The following GTPBP4 variants were observed in gnomAD, a reference collection of about 807,000 sequenced individuals.
The protein encoded by GTPBP4 is GTP-binding protein 4.
In GTPBP4, 15 loss-of-function variants were observed where a neutral mutation model predicts 81.7. The observed-to-expected ratio is 0.18, with a 90% CI of 0.12 to 0.28. The LOEUF is 0.28. GTPBP4 is among the 10% of genes least tolerant of loss of function. GTPBP4 has a pLI of 1.00. For missense variants in GTPBP4, 847 were observed against 793.8 expected, an observed-to-expected ratio of 1.07 and a Z score of -0.81; for synonymous variants, 272 against 274.6, an observed-to-expected ratio of 0.99 and a Z score of 0.09.
chr10:1,002,180 C>T (rs1024751439), intron 8 of GTPBP4, among the ~76,000 whole-genome samples: 13 of 152,140 alleles, frequency 8.5e-5, no homozygotes, highest in Admixed American at 5.2e-4. Flanking sequence ...ACCTTGGCCT[C>T]CCAGAGTGTT....
chr10:994,349 A>T (rs1222083282), intron 2 of GTPBP4, among the ~76,000 whole-genome samples: 1 of 151,628 alleles, frequency 6.6e-6, no homozygotes, highest in African/African-American at 2.4e-5. Context: ...GCTCACTGTA[A>T]CCTCTTCCTC....
chr10:1,003,972 G>A (rs1831682126), intron 8 of GTPBP4, among the ~76,000 whole-genome samples: 1 of 152,108 alleles, frequency 6.6e-6, no homozygotes, highest in African/African-American at 2.4e-5. Flanking sequence ...TCTCTGTGGT[G>A]GATCTCTGAT....
At chr10:1,012,786 T>C in intron 14 of GTPBP4, 124 bp downstream of exon 14, 5 of 657,146 alleles carry the variant, frequency 7.6e-6, no homozygotes, top group Non-Finnish European at 1.1e-5. Flanking sequence ...TCTTGTTTTA[T>C]TGGTGTATGG....
chr10:1,016,925 G>C, intron 16 of GTPBP4, 150 bp from the exon 17 acceptor site: 1 of 604,096 alleles, frequency 1.7e-6, no homozygotes, highest in Non-Finnish European at 2.9e-6. Flanking sequence ...AGGGATAACT[G>C]TGCTGGGCTT....
Position 1,010,617 on chromosome 10 carries a change from C to T in GTPBP4, c.1344+97C>T, listed in dbSNP as rs921497952. ...TGGCTTCGGCTCAGCTGGGCCTGTC[C>T]GCTTCATTCTGCACCCCTCCATCCT... On this transcript the variant is annotated intron_variant, in intron 13 of 16. Transcript: ENST00000360803. 8.8e-5 allele frequency: 67 copies of T among 763,626 alleles called. 2 individuals are homozygous for T. Among genetic ancestry groups the T allele is most frequent in the Middle Eastern group, 4.5e-4 (2 of 4,408 alleles). The allele number at this position is 763,626 out of a possible 1,614,324, so 47.3% of individuals were successfully genotyped here. A position where few individuals can be genotyped will look rare whatever the true frequency, so the allele number is the denominator to read the frequency against.
chr10:1,001,599 C>T (rs1049751527), intron 8 of GTPBP4, among the ~76,000 whole-genome samples: 1 of 151,890 alleles, frequency 6.6e-6, no homozygotes, highest in African/African-American at 2.4e-5. Flanking sequence ...CCAGCAATGT[C>T]AGCATCACCT....
chr10:1,000,087 C>T (rs1039582886), intron 6 of GTPBP4, among the ~76,000 whole-genome samples: 5 of 152,068 alleles, frequency 3.3e-5, no homozygotes, highest in Admixed American at 6.6e-5. Flanking sequence ...TTTATGATGT[C>T]GCTGGTAAAA....
At chr10:999,284 A>G (rs1831584101) in intron 6 of GTPBP4, among the ~76,000 whole-genome samples, 189 bp downstream of exon 6, 1 of 151,926 alleles carries the variant, frequency 6.6e-6, no homozygotes, top group African/African-American at 2.4e-5. Context: ...ACGACCGGCC[A>G]ATTTTTGTGT....
chr10:1,015,822 C>A lies in GTPBP4; in HGVS notation c.1678C>A (p.Pro560Thr), dbSNP rs529285024. 5.0e-6 allele frequency: 8 copies of A among 1,613,718 alleles called. 1 individual carries two copies. In the Admixed American group the frequency reaches 1.2e-4, roughly 24 times the overall value. Residue 560 changes from proline to threonine, a missense_variant, in exon 16 of 17, where the codon CCC (proline) becomes ACC (threonine). Transcript: ENST00000360803. Reference protein sequence around the residue: ...TRKRKREDSAPPSSVARSGSC... With the variant: ...TRKRKREDSATPSSVARSGSC... ...GAAAAGAAAGCGGGAAGACTCTGCT[C>A]CCCCGTCCTCTGTGGCCCGGAGTGG...
At chr10:1,008,311 G>A (rs11253566) in intron 10 of GTPBP4, 83,341 of 368,302 alleles carry the variant, frequency 0.23, 10,787 homozygotes, top group Non-Finnish European at 0.28. Flanking sequence ...AGGCTGAGGC[G>A]GGAGAATCGT....
At chr10:1,008,840 T>C in intron 10 of GTPBP4, 118 bp from the exon 11 acceptor site, 1 of 787,234 alleles carries the variant, frequency 1.3e-6, no homozygotes, top group Non-Finnish European at 2.3e-6. Context: ...TGTTCATTGG[T>C]CTGGGTATGG....
Position 988,513 on chromosome 10 carries a change from G to C in GTPBP4, c.34G>C (p.Val12Leu). The C allele has an allele frequency of 1.2e-6, 2 of 1,612,912 alleles. No individual in the cohort carries two copies. The highest frequency in any genetic ancestry group is 1.1e-5 in the South Asian group (1 of 91,028). Residue 12 changes from valine (V) to leucine (L), a missense_variant, in exon 1 of 17, where the codon GTG becomes CTG. By Grantham distance (32) the Val-to-Leu change is conservative. Around this residue, in one of 3 missense-constraint regions of GTPBP4, gnomAD observed 241 missense variants for 216.3 expected, o/e 1.11. Transcript: ENST00000360803. ...TTACAACTTCAAGAAAATTACGGTGGTGCCGTCCGCCAAGGTAGGCGGCCC... is the reference window on the plus strand; with the variant it reads ...TTACAACTTCAAGAAAATTACGGTGCTGCCGTCCGCCAAGGTAGGCGGCCC... ...AHYNFKKITV[V>L]PSAKDFIDLT...
At chr10:1,009,464 G>A in intron 11 of GTPBP4, 65 bp from the exon 12 acceptor site, 4 of 1,022,428 alleles carry the variant, frequency 3.9e-6, no homozygotes, top group Non-Finnish European at 6.3e-6. Context: ...AAGTGACAAG[G>A]GGCAGAGCAT....
Position 997,263 on chromosome 10 carries a change from T to G in GTPBP4, c.516T>G (p.Leu172=). The stretch of plus-strand genomic sequence containing the variant: ...TTGATCCGAATACCAGGACCCTGCT[T>G]TTGTGTGGGTACCCAAATGTTGGGA... The part of the protein sequence containing the change: ...PTIDPNTRTL[L]LCGYPNVGKS... The change falls in exon 5 of 17, where the codon CTT becomes CTG. Residue 172 remains leucine (L), a synonymous_variant. Coordinates refer to ENST00000360803, the MANE Select transcript of GTPBP4 (RefSeq NM_012341.3). 1.2e-6 allele frequency: 2 copies of G among 1,609,892 alleles called. No homozygotes were observed. The highest frequency in any genetic ancestry group is 1.3e-5 in the African/African-American group (1 of 74,976).
Position 1,017,208 on chromosome 10 carries a change from G to GT in GTPBP4, c.1887dup (p.Lys630Ter). 3 of 1,614,060 alleles carry GT rather than the reference G, an allele frequency of 1.9e-6. No homozygotes were observed. The highest frequency in any genetic ancestry group is 2.5e-6 in the Non-Finnish European group (3 of 1,179,964). On this transcript the variant is annotated frameshift_variant, in exon 17 of 17. Transcript: ENST00000360803. LOFTEE classifies it high-confidence loss of function. Reference sequence around the variant, plus strand: ...TTGCTGTCTGGGAAGAGGAAAGCTGGTAAAAAGGACAGGAGATAGTATCCG... The same window carrying GT: ...TTGCTGTCTGGGAAGAGGAAAGCTGGTTAAAAAGGACAGGAGATAGTATCCG...
In GTPBP4 at chr10:1,019,814, C is replaced by T. The variant is rs771562485; in HGVS notation, c.*2587C>T. 8.1e-6 allele frequency: 13 copies of T among 1,613,692 alleles called. No homozygotes were observed. In the South Asian group the frequency reaches 8.8e-5, roughly 11 times the overall value. On this transcript the variant is annotated 3_prime_UTR_variant, in exon 17 of 17. Transcript: ENST00000360803. ...CCTTGTGGTGATAGATTGTCATGAA[C>T]ACAATGTCCTCTGGAGAAATCTATT...
chr10:996,057 CTTT>C, intron 3 of GTPBP4, 25 bp downstream of exon 3: 22 of 1,584,200 alleles, frequency 1.4e-5, no homozygotes, highest in Non-Finnish European at 1.9e-5. Flanking sequence ...TCTGTAGTGT[CTTT>C]TAAGTTATCG....
rs1008201247 is a variant in GTPBP4 at position 1,019,568 on chromosome 10, G to A, written c.*2341G>A. 1.2e-6 allele frequency: 2 copies of A among 1,613,746 alleles called. No homozygotes were observed. Among genetic ancestry groups the A allele is most frequent in the African/African-American group, 2.7e-5 (2 of 74,828 alleles). On this transcript the variant is annotated 3_prime_UTR_variant, in exon 17 of 17. Transcript: ENST00000360803. Reference sequence around the variant, plus strand: ...CCACAAACGGGGTCACGTCATCCAGGTGAGGCCACCACCGGTACAGAAACC... The same window carrying A: ...CCACAAACGGGGTCACGTCATCCAGATGAGGCCACCACCGGTACAGAAACC...
rs764291421 is a variant in GTPBP4, at chr10:1,019,739, A to G, written c.*2512A>G. On this transcript the variant is annotated 3_prime_UTR_variant, in exon 17 of 17. Transcript: ENST00000360803. ...GGTTCAGAGTGACGTTTTTCCTCACAAGCAGAAGGTAACAAATTTCATGCT... is the reference window on the plus strand; with the variant it reads ...GGTTCAGAGTGACGTTTTTCCTCACGAGCAGAAGGTAACAAATTTCATGCT... 2.5e-6 allele frequency: 4 copies of G among 1,613,848 alleles called. No homozygotes were observed. The African/African-American group carries it at 5.3e-5, about 22-fold the overall frequency.
Sources: gnomAD v4.1 joint callset for allele counts (sites outside exome capture counted in the v4.1 genomes callset) on GRCh38, gnomAD v4.1.1 for gene constraint, gnomAD v4.1.1 regional missense constraint, MANE v1.5 for transcripts, NCBI Gene and HGNC (gene_info 2026-07-23, HGNC 2026-07-21) for gene names.